Variants in SLC30A8 observed in about 807,000 individuals in gnomAD.
SLC30A8 encodes the protein solute carrier family 30 member 8, also known as proton-coupled zinc antiporter SLC30A8.
In SLC30A8, 27 loss-of-function variants were observed where a neutral mutation model predicts 36.9. That is an observed-to-expected ratio of 0.73 (90% CI 0.54 to 1.01). SLC30A8 has a LOEUF of 1.01. Among genes scored for constraint, SLC30A8 ranks in the 50% least tolerant of loss-of-function variants. The pLI is 0.00. For synonymous variants in SLC30A8, 164 were observed against 172.4 expected (o/e 0.95, Z 0.38); for missense variants, 439 against 452.0 (o/e 0.97, Z 0.26).
At chr8:116,992,413 T>G (rs1034526744) in intron 1 of SLC30A8, among the ~76,000 whole-genome samples, 62 of 152,248 alleles carry the variant, frequency 4.1e-4, no homozygotes, top group African/African-American at 1.5e-3. Flanking sequence ...GGGCCAAGAT[T>G]CAATAGGCAA....
At chr8:117,142,961 G>A (rs1371568073) in intron 1 of SLC30A8, among the ~76,000 whole-genome samples, 1 of 152,158 alleles carries the variant, frequency 6.6e-6, no homozygotes, top group African/African-American at 2.4e-5. Flanking sequence ...TGAATGAAAT[G>A]TTAGACATTC....
At chr8:117,095,446 G>A (rs1040716194) in intron 2 of SLC30A8, among the ~76,000 whole-genome samples, 1 of 149,762 alleles carries the variant, frequency 6.7e-6, no homozygotes, top group Admixed American at 6.7e-5. Flanking sequence ...TAAAACTTGA[G>A]GACAGGGTTT....
At chr8:116,952,100 A>G (rs573284833) in intron 1 of SLC30A8, among the ~76,000 whole-genome samples, 2 of 152,258 alleles carry the variant, frequency 1.3e-5, no homozygotes, top group South Asian at 2.1e-4. Flanking sequence ...GAGAAACAAC[A>G]GCTCATAGAA....
At chr8:117,040,962 G>A (rs549652991) in intron 2 of SLC30A8, among the ~76,000 whole-genome samples, 88 of 152,104 alleles carry the variant, frequency 5.8e-4, no homozygotes, top group African/African-American at 2.1e-3. Context: ...TTTCTGTTAG[G>A]GGCTTTCTCC....
In SLC30A8 at chr8:117,161,042, G is replaced by GTGTT. The variant is rs567834576; in HGVS notation, c.573-693_573-690dup. 4.2e-3 allele frequency among the ~76,000 whole-genome samples: 632 copies of GTGTT among 152,260 alleles called. 10 individuals carry two copies. The South Asian group carries it at 0.05, about 12-fold the overall frequency. On this transcript the variant is annotated intron_variant, in intron 4 of 7. Coordinates refer to ENST00000456015, the MANE Select transcript of SLC30A8 (RefSeq NM_173851.3). ...AACAGAATTATGTACATAGTTTGTA[G>GTGTT]TGTTTGCTACTGATCACTTTGACTC...
At chr8:117,010,890 A>C (rs967224158) in intron 1 of SLC30A8, among the ~76,000 whole-genome samples, 3 of 152,180 alleles carry the variant, frequency 2.0e-5, no homozygotes, top group Non-Finnish European at 2.9e-5. Flanking sequence ...CACAAGAACA[A>C]CACCAGGCGG....
At chr8:117,018,927 T>C (rs904707059) in intron 1 of SLC30A8, among the ~76,000 whole-genome samples, 8 of 152,172 alleles carry the variant, frequency 5.3e-5, no homozygotes, top group Non-Finnish European at 1.0e-4. Context: ...CCTCCCAAAG[T>C]GTTGGGATTA....
chr8:117,064,433 A>G (rs1219311131), intron 2 of SLC30A8, among the ~76,000 whole-genome samples: 2 of 152,112 alleles, frequency 1.3e-5, no homozygotes, highest in African/African-American at 4.8e-5. Context: ...TACCAGGAGG[A>G]TGTCTCAGGG....
At chr8:117,032,380 C>T (rs1358429392) in intron 1 of SLC30A8, among the ~76,000 whole-genome samples, 1 of 151,994 alleles carries the variant, frequency 6.6e-6, no homozygotes, top group South Asian at 2.1e-4. Flanking sequence ...AAGTTTTTGC[C>T]AAATGAATAA....
At chr8:117,082,851 G>A (rs764934519) in intron 2 of SLC30A8, among the ~76,000 whole-genome samples, 2 of 152,170 alleles carry the variant, frequency 1.3e-5, no homozygotes, top group African/African-American at 2.4e-5. Flanking sequence ...GACAAGACAA[G>A]GACAAGAGCT....
chr8:116,957,929 G>A lies in SLC30A8; in HGVS notation c.-266+6810G>A, dbSNP rs188668062. Among the ~76,000 whole-genome samples, 5 of 152,272 alleles carry A rather than the reference G, an allele frequency of 3.3e-5. No individual in the cohort carries two copies. The East Asian group carries it at 7.7e-4, about 24-fold the overall frequency. On this transcript the variant is annotated intron_variant, in intron 1 of 10. Transcript: ENST00000427715. ...GGTGAACATCCAGTCTACAGCACCT[G>A]AGGGCAGCCCTGTGTCCTCCCACCA...
intron 1 of SLC30A8, among the ~76,000 whole-genome samples, chr8:116,974,545 TG>T (rs1814910574): frequency 1.3e-5 from 2 of 152,144 alleles, no homozygotes; most frequent in Non-Finnish European, 1.5e-5. Flanking sequence ...CAACAGATGC[TG>T]GAGAGGATGT....
At position 117,048,969 on chromosome 8, in the gene SLC30A8, A is replaced by G. The variant is rs182752812; in HGVS notation, c.-226+9711A>G. 5.3e-5 allele frequency among the ~76,000 whole-genome samples: 8 copies of G among 152,316 alleles called. No individual in the cohort carries two copies. The East Asian group carries it at 1.5e-3, about 29-fold the overall frequency. The stretch of plus-strand genomic sequence containing the variant: ...CTTCACTGATGAGAGTTCAATTTCT[A>G]CCAATGTTGGCATTACTGACATTTT... On this transcript the variant is annotated intron_variant, in intron 2 of 10. Transcript: ENST00000427715.
intron 2 of SLC30A8, among the ~76,000 whole-genome samples, chr8:117,086,232 A>G (rs995073228): frequency 1.3e-5 from 2 of 152,146 alleles, no homozygotes; most frequent in African/African-American, 4.8e-5. Context: ...AAGCGTCAAG[A>G]GGCTTAACCC....
chr8:117,161,933 G>A (rs772923938), intron 5 of SLC30A8, 45 bp downstream of exon 5: 1 of 1,542,030 alleles, frequency 6.5e-7, no homozygotes, highest in Admixed American at 1.8e-5. Flanking sequence ...TGTAGATTAG[G>A]TAGTACAGAA....
At chr8:117,036,961 C>T (rs1189043128) in intron 1 of SLC30A8, among the ~76,000 whole-genome samples, 1 of 152,178 alleles carries the variant, frequency 6.6e-6, no homozygotes, top group Non-Finnish European at 1.5e-5. Context: ...TGTCTTAGCC[C>T]TGCCTGGGAT....
intron 6 of SLC30A8, among the ~76,000 whole-genome samples, chr8:117,164,487 T>A (rs1822960724): frequency 6.6e-6 from 1 of 152,086 alleles, no homozygotes; most frequent in Admixed American, 6.6e-5. Flanking sequence ...GATGGGAGGA[T>A]CGCTTGAGGC....
At chr8:117,097,946 A>ATTC (rs1372664047) in intron 2 of SLC30A8, among the ~76,000 whole-genome samples, 2 of 117,630 alleles carry the variant, frequency 1.7e-5, no homozygotes, top group African/African-American at 6.7e-5. Flanking sequence ...TATAATATAT[A>ATTC]ATTTTAAATA....
At chr8:116,971,471 G>A (rs1202274369) in intron 1 of SLC30A8, among the ~76,000 whole-genome samples, 2 of 152,138 alleles carry the variant, frequency 1.3e-5, no homozygotes, top group African/African-American at 4.8e-5. Flanking sequence ...AGATGAACTG[G>A]CAGAAAATGT....
Sources: gnomAD v4.1 joint callset for allele counts (sites outside exome capture counted in the v4.1 genomes callset) on GRCh38, gnomAD v4.1.1 for gene constraint, MANE v1.5 for transcripts, NCBI Gene and HGNC (gene_info 2026-07-23, HGNC 2026-07-21) for gene names.